Variants in ZFR observed in about 807,000 individuals in gnomAD.
The protein encoded by ZFR is zinc finger RNA binding protein, also known as zinc finger RNA-binding protein.
In ZFR, 19 loss-of-function variants were observed where a neutral mutation model predicts 130.7. That is an observed-to-expected ratio of 0.15 (90% CI 0.10 to 0.21). The LOEUF is 0.21. Ranked by LOEUF, ZFR falls within the 10% of genes least tolerant of loss-of-function variation. The pLI, the probability that ZFR is intolerant of heterozygous loss-of-function variation, is 1.00. For missense variants in ZFR, 872 were observed against 1,321.5 expected (o/e 0.66, Z 5.27); for synonymous variants, 466 against 456.9 (o/e 1.02, Z -0.25).
intron 14 of ZFR, among the ~76,000 whole-genome samples, chr5:32,387,209 A>C (rs991188426): frequency 6.6e-6 from 1 of 152,114 alleles, no homozygotes. Flanking sequence ...CTTGCTACAC[A>C]TGGGATTTTT....
chr5:32,403,839 AC>A, intron 7 of ZFR, 66 bp downstream of exon 7: 5 of 1,444,348 alleles, frequency 3.5e-6, no homozygotes, highest in Non-Finnish European at 4.6e-6. Context: ...CCTTTACCTA[AC>A]CCCCTTTGAA....
At chr5:32,444,595 A>G in intron 1 of ZFR, 27 bp downstream of exon 1, 1 of 1,476,928 alleles carries the variant, frequency 6.8e-7, no homozygotes, top group Non-Finnish European at 9.0e-7. Context: ...GGCCGGGCAG[A>G]GGCCTCGCGG....
chr5:32,375,720 T>A (rs1368104334), intron 17 of ZFR, among the ~76,000 whole-genome samples: 3 of 152,136 alleles, frequency 2.0e-5, no homozygotes, highest in Admixed American at 2.0e-4. Flanking sequence ...TTGCCCAAGC[T>A]GGTCTCCAAC....
At chr5:32,395,808 TCTAG>T (rs1039386496) in intron 10 of ZFR, among the ~76,000 whole-genome samples, 1 of 152,114 alleles carries the variant, frequency 6.6e-6, no homozygotes, top group Non-Finnish European at 1.5e-5. Flanking sequence ...TTTTCTCTTC[TCTAG>T]CTTACTTTAT....
chr5:32,442,989 A>C (rs1318097534), intron 2 of ZFR, among the ~76,000 whole-genome samples: 1 of 127,492 alleles, frequency 7.8e-6, no homozygotes, highest in Non-Finnish European at 1.7e-5. Flanking sequence ...GACTCTGCCC[A>C]GGAGTTCGAG....
intron 19 of ZFR, among the ~76,000 whole-genome samples, chr5:32,360,278 G>T (rs1365607903): frequency 6.6e-6 from 1 of 152,034 alleles, no homozygotes; most frequent in Non-Finnish European, 1.5e-5. Flanking sequence ...GTAAAATTCA[G>T]AAGTTTTCAG....
intron 2 of ZFR, among the ~76,000 whole-genome samples, chr5:32,435,767 G>A (rs1411043873): frequency 1.3e-5 from 2 of 152,120 alleles, no homozygotes; most frequent in Non-Finnish European, 2.9e-5. Flanking sequence ...CCAGAAATAT[G>A]AATTCAAAAA....
intron 8 of ZFR, among the ~76,000 whole-genome samples, chr5:32,402,807 C>G (rs1005517485): frequency 6.7e-6 from 1 of 149,814 alleles, no homozygotes; most frequent in East Asian, 1.9e-4. Context: ...ACAAAAAAAA[C>G]CAATCAGGTT....
At chr5:32,414,609 CT>C (rs1200494522) in intron 5 of ZFR, among the ~76,000 whole-genome samples, 1 of 152,124 alleles carries the variant, frequency 6.6e-6, no homozygotes. Context: ...AATAATTTGT[CT>C]GTGGTATTCC....
intron 11 of ZFR, among the ~76,000 whole-genome samples, chr5:32,391,932 T>C (rs1283239046): frequency 6.6e-6 from 1 of 152,020 alleles, no homozygotes; most frequent in African/African-American, 2.4e-5. Flanking sequence ...TGGGGTCTTG[T>C]CATGTTGCCT....
At chr5:32,424,501 C>G (rs2111834336) in intron 2 of ZFR, among the ~76,000 whole-genome samples, 1 of 148,048 alleles carries the variant, frequency 6.8e-6, no homozygotes, top group East Asian at 2.0e-4. Context: ...CCACTGCAGT[C>G]TCACCTGGGT....
intron 17 of ZFR, among the ~76,000 whole-genome samples, chr5:32,375,850 T>G (rs1240814028): frequency 6.6e-6 from 1 of 151,004 alleles, no homozygotes; most frequent in Non-Finnish European, 1.5e-5. Flanking sequence ...TAAATTAGTT[T>G]TTTTTTTTTT....
chr5:32,367,920 T>G (rs998803312), intron 17 of ZFR, among the ~76,000 whole-genome samples: 1 of 152,314 alleles, frequency 6.6e-6, no homozygotes, highest in East Asian at 1.9e-4. Context: ...TCCAAGGTCA[T>G]GTAGCTAGGT....
chr5:32,426,705 C>T (rs1055000761), intron 2 of ZFR, among the ~76,000 whole-genome samples: 1 of 152,090 alleles, frequency 6.6e-6, no homozygotes, highest in African/African-American at 2.4e-5. Flanking sequence ...AGTTCGAGAC[C>T]AGCCTGGCCA....
chr5:32,408,333 A>C (rs10064632), intron 5 of ZFR, among the ~76,000 whole-genome samples: 72,508 of 140,124 alleles, frequency 0.52, 18,757 homozygotes, highest in Middle Eastern at 0.57. Flanking sequence ...AAAAAAAAAA[A>C]AAAACTAGAA....
intron 11 of ZFR, among the ~76,000 whole-genome samples, chr5:32,391,525 CTTTTTTTT>C (rs34370191): frequency 1.5e-5 from 2 of 134,150 alleles, no homozygotes; most frequent in African/African-American, 5.6e-5. Context: ...GAAATCTACT[CTTTTTTTT>C]TTTTTTTTTT....
At chr5:32,375,926 C>T (rs1361036602) in intron 17 of ZFR, among the ~76,000 whole-genome samples, 1 of 151,950 alleles carries the variant, frequency 6.6e-6, no homozygotes, top group East Asian at 1.9e-4. Context: ...TCACTGCAAC[C>T]TCCGCCCTGA....
chr5:32,419,234 TTAAC>T (rs1259908447), intron 3 of ZFR, among the ~76,000 whole-genome samples: 4 of 152,208 alleles, frequency 2.6e-5, no homozygotes, highest in Admixed American at 1.3e-4. Flanking sequence ...AATGAAATAT[TTAAC>T]TAGCAATTAA....
rs1361437541 is a variant in ZFR, at chr5:32,355,886, A to G, written c.3099T>C (p.Asp1033=). ...AACGTTGGCTCATTTGCGGTAATGG[A>G]TCCATGCCTAGAACTTTGTGTATCT... The part of the protein sequence containing the change: ...FRQIHKVLGM[D]PLPQMSQRFN... Residue 1033 remains aspartate, a synonymous_variant, in exon 20 of 20, where the codon GAT becomes GAC. Transcript: ENST00000265069. The G allele has an allele frequency of 6.2e-7, 1 of 1,610,464 alleles. No individual in the cohort carries two copies. Among genetic ancestry groups the G allele is most frequent in the Admixed American group, 1.7e-5 (1 of 58,986 alleles).
Sources: allele counts gnomAD v4.1 joint callset (sites outside exome capture counted in the v4.1 genomes callset), GRCh38; gene constraint gnomAD v4.1.1; transcripts MANE v1.5; gene names NCBI Gene and HGNC (gene_info 2026-07-23, HGNC 2026-07-21).